Variants in ZNF536 observed in about 807,000 individuals in gnomAD.
The protein encoded by ZNF536 is zinc finger protein 536.
In ZNF536, 13 loss-of-function variants were observed where a neutral mutation model predicts 84.5. The observed-to-expected ratio is 0.15, with a 90% CI of 0.10 to 0.24. ZNF536 has a LOEUF of 0.24. Ranked by LOEUF, ZNF536 falls within the 10% of genes least tolerant of loss-of-function variation. ZNF536 has a pLI of 1.00. For missense variants in ZNF536, 1,536 were observed against 1,747.5 expected (o/e 0.88, Z 2.16); for synonymous variants, 811 against 742.5 (o/e 1.09, Z -1.50).
intron 1 of ZNF536, among the ~76,000 whole-genome samples, chr19:30,593,862 G>A (rs916930946): frequency 1.3e-5 from 2 of 152,230 alleles, no homozygotes; most frequent in South Asian, 2.1e-4. Context: ...GGATGAGATG[G>A]CTAGATTGCT....
chr19:30,406,418 G>C (rs1191310794), intron 1 of ZNF536, among the ~76,000 whole-genome samples: 1 of 152,118 alleles, frequency 6.6e-6, no homozygotes, highest in Non-Finnish European at 1.5e-5. Context: ...TGTTTTCTTT[G>C]AAATCCACAC....
chr19:30,415,046 CCTT>C (rs1246579003), intron 1 of ZNF536, among the ~76,000 whole-genome samples: 2 of 151,600 alleles, frequency 1.3e-5, no homozygotes, highest in African/African-American at 4.8e-5. Flanking sequence ...TCCTCCTCCT[CCTT>C]CTTCTTCCTG....
intron 2 of ZNF536, among the ~76,000 whole-genome samples, chr19:30,525,147 A>G (rs1410835848): frequency 6.6e-6 from 1 of 152,128 alleles, no homozygotes; most frequent in Non-Finnish European, 1.5e-5. Flanking sequence ...GCTGATTATA[A>G]TTGTGTGTTT....
chr19:30,684,585 A>T (rs1042807904), intron 1 of ZNF536, among the ~76,000 whole-genome samples: 2 of 152,240 alleles, frequency 1.3e-5, no homozygotes, highest in Non-Finnish European at 2.9e-5. Flanking sequence ...TGGCAATAGA[A>T]AGGTTAAAAC....
At chr19:30,244,115 C>G (rs549298289) in intron 1 of ZNF536, among the ~76,000 whole-genome samples, 1 of 152,064 alleles carries the variant, frequency 6.6e-6, no homozygotes, top group Non-Finnish European at 1.5e-5. Flanking sequence ...TTCCAAGTAC[C>G]GATTGTCAGT....
At chr19:30,295,557 ACT>A (rs2045970996) in intron 2 of ZNF536, among the ~76,000 whole-genome samples, 1 of 152,110 alleles carries the variant, frequency 6.6e-6, no homozygotes, top group Non-Finnish European at 1.5e-5. Context: ...GGCCCCAGGG[ACT>A]CTGCTTTGAG....
intron 1 of ZNF536, among the ~76,000 whole-genome samples, chr19:30,385,192 G>A (rs1029667456): frequency 6.6e-6 from 1 of 151,750 alleles, no homozygotes; most frequent in African/African-American, 2.4e-5. Context: ...GCCTTTCCAG[G>A]AGCAGGAGCA....
intron 1 of ZNF536, among the ~76,000 whole-genome samples, chr19:30,590,859 A>G (rs2047254896): frequency 6.6e-6 from 1 of 152,218 alleles, no homozygotes; most frequent in Non-Finnish European, 1.5e-5. Flanking sequence ...CAGCTGTTGA[A>G]GGGAAGGCCA....
chr19:30,634,230 C>G (rs1568622386), intron 1 of ZNF536, among the ~76,000 whole-genome samples: 1 of 152,074 alleles, frequency 6.6e-6, no homozygotes, highest in Non-Finnish European at 1.5e-5. Flanking sequence ...ATTGTTGTGC[C>G]GTAAGTTAGC....
intron 1 of ZNF536, among the ~76,000 whole-genome samples, chr19:30,697,863 G>A (rs539975747): frequency 1.3e-5 from 2 of 152,328 alleles, no homozygotes; most frequent in East Asian, 3.9e-4. Context: ...TTACCTGTTT[G>A]GTTCTGTGAC....
At chr19:30,572,551 T>C (rs1568566075) in intron 1 of ZNF536, among the ~76,000 whole-genome samples, 1 of 152,204 alleles carries the variant, frequency 6.6e-6, no homozygotes, top group East Asian at 1.9e-4. Flanking sequence ...AAGGAGATGA[T>C]TCCATCATGG....
chr19:30,585,121 AAAAAAG>A (rs983941602), intron 1 of ZNF536, among the ~76,000 whole-genome samples: 20 of 152,110 alleles, frequency 1.3e-4, no homozygotes, highest in African/African-American at 4.3e-4. Flanking sequence ...CACTCAAAAA[AAAAAAG>A]AAAAAGAAAA....
At chr19:30,630,918 G>A (rs544102774) in intron 1 of ZNF536, among the ~76,000 whole-genome samples, 1 of 152,316 alleles carries the variant, frequency 6.6e-6, no homozygotes, top group Admixed American at 6.5e-5. Flanking sequence ...GTTCTGCAAG[G>A]CCATCCAGAG....
intron 1 of ZNF536, among the ~76,000 whole-genome samples, chr19:30,270,094 C>T (rs1277660802): frequency 1.3e-5 from 2 of 152,214 alleles, no homozygotes; most frequent in Non-Finnish European, 2.9e-5. Flanking sequence ...CACACCCCCA[C>T]ACTCATTTGG....
At chr19:30,622,100 A>T (rs1033743058) in intron 1 of ZNF536, among the ~76,000 whole-genome samples, 1 of 152,126 alleles carries the variant, frequency 6.6e-6, no homozygotes, top group Non-Finnish European at 1.5e-5. Flanking sequence ...TGCAAGAGAG[A>T]GAGTTAGTTA....
At chr19:30,572,456 T>A (rs2146564691) in intron 1 of ZNF536, among the ~76,000 whole-genome samples, 1 of 152,276 alleles carries the variant, frequency 6.6e-6, no homozygotes, top group Middle Eastern at 3.4e-3. Flanking sequence ...GTGACCCCTC[T>A]ACCCTCCACT....
At chr19:30,652,203 A>G (rs530423249) in intron 1 of ZNF536, among the ~76,000 whole-genome samples, 2 of 152,318 alleles carry the variant, frequency 1.3e-5, no homozygotes, top group South Asian at 4.1e-4. Flanking sequence ...CAATTATGTG[A>G]CCAGACATAA....
chr19:30,406,934 T>C (rs2050283835), intron 1 of ZNF536, among the ~76,000 whole-genome samples: 1 of 152,210 alleles, frequency 6.6e-6, no homozygotes. Flanking sequence ...ACAGAGGGCA[T>C]CCCCAACCTC....
At chr19:30,709,314 C>T (rs569939588) in intron 1 of ZNF536, among the ~76,000 whole-genome samples, 53 of 152,238 alleles carry the variant, frequency 3.5e-4, no homozygotes, top group African/African-American at 1.2e-3. Context: ...CTCCTGGTCC[C>T]GACAACTTTC....
Sources: allele counts gnomAD v4.1 joint callset (sites outside exome capture counted in the v4.1 genomes callset), GRCh38; gene constraint gnomAD v4.1.1; transcripts MANE v1.5; gene names NCBI Gene and HGNC (gene_info 2026-07-23, HGNC 2026-07-21).